Variants in NRCAM observed in about 807,000 individuals in gnomAD.
The protein encoded by NRCAM is NgCAM-related cell adhesion molecule.
A neutral mutation model predicts 156.5 loss-of-function variants in NRCAM; 83 were observed. The ratio of observed to expected loss-of-function variants is 0.53; its 90% confidence interval spans 0.44 to 0.64. The LOEUF (loss-of-function observed/expected upper bound fraction) is 0.64, where lower values mean the gene tolerates loss of function less well. NRCAM is among the 30% of genes least tolerant of loss of function. The probability of loss-of-function intolerance (pLI) is 0.00; values close to 1 mark genes in which losing one functional copy is unlikely to be tolerated. For missense variants in NRCAM, 1,417 were observed against 1,597.3 expected (o/e 0.89, Z 1.92); for synonymous variants, 538 against 563.9 (o/e 0.95, Z 0.65).
chr7:108,427,351 G>C (rs1818664793), intron 1 of NRCAM, among the ~76,000 whole-genome samples: 2 of 152,194 alleles, frequency 1.3e-5, no homozygotes, highest in Non-Finnish European at 2.9e-5. Context: ...CACTCCCTGT[G>C]CCTCCGACAA....
chr7:108,197,096 G>C (rs760434212), intron 14 of NRCAM, among the ~76,000 whole-genome samples: 2 of 152,114 alleles, frequency 1.3e-5, no homozygotes, highest in Admixed American at 6.6e-5. Context: ...GTTGTGTTAA[G>C]TGCAACAGGC....
chr7:108,369,002 C>A (rs917344252), intron 2 of NRCAM, among the ~76,000 whole-genome samples: 7 of 151,942 alleles, frequency 4.6e-5, no homozygotes, highest in African/African-American at 7.3e-5. Context: ...TTTAAAAGTA[C>A]CAAGAAGAAA....
intron 3 of NRCAM, among the ~76,000 whole-genome samples, chr7:108,281,515 G>C (rs2097857119): frequency 6.6e-6 from 1 of 152,206 alleles, no homozygotes; most frequent in South Asian, 2.1e-4. Context: ...GAATCAAAAA[G>C]GTTTCATGGC....
At chr7:108,404,269 T>C (rs767293980) in intron 1 of NRCAM, among the ~76,000 whole-genome samples, 5 of 152,226 alleles carry the variant, frequency 3.3e-5, no homozygotes, top group Non-Finnish European at 7.3e-5. Flanking sequence ...TCAGTTGTGC[T>C]GAATGGGTAA....
At chr7:108,449,642 T>C (rs1391999219) in intron 1 of NRCAM, among the ~76,000 whole-genome samples, 2 of 152,222 alleles carry the variant, frequency 1.3e-5, no homozygotes, top group Non-Finnish European at 2.9e-5. Flanking sequence ...AGAGAGAATC[T>C]GTTAGTGGTG....
At chr7:108,308,806 G>C (rs140416837) in intron 3 of NRCAM, among the ~76,000 whole-genome samples, 1 of 152,306 alleles carries the variant, frequency 6.6e-6, no homozygotes, top group East Asian at 1.9e-4. Flanking sequence ...GAGATGTCCA[G>C]AGAAAAATGG....
intron 1 of NRCAM, among the ~76,000 whole-genome samples, chr7:108,445,188 A>C (rs971940085): frequency 2.0e-5 from 3 of 152,246 alleles, no homozygotes; most frequent in African/African-American, 7.2e-5. Context: ...GAAATAAAAT[A>C]CAATTAGATT....
intron 4 of NRCAM, among the ~76,000 whole-genome samples, chr7:108,239,296 A>G (rs1043928650): frequency 6.6e-6 from 1 of 152,136 alleles, no homozygotes; most frequent in Admixed American, 6.6e-5. Flanking sequence ...TTTGCATATT[A>G]CTTGTATTTT....
chr7:108,181,089 T>C (rs2063207562), intron 24 of NRCAM, among the ~76,000 whole-genome samples: 1 of 152,206 alleles, frequency 6.6e-6, no homozygotes, highest in Non-Finnish European at 1.5e-5. Context: ...TTAATTTTGG[T>C]CACAAATCCA....
chr7:108,269,057 G>C (rs558621513), intron 3 of NRCAM, among the ~76,000 whole-genome samples: 100 of 152,038 alleles, frequency 6.6e-4, no homozygotes, highest in African/African-American at 2.3e-3. Context: ...TTGAGCCTGG[G>C]AAGTATGGCT....
intron 3 of NRCAM, among the ~76,000 whole-genome samples, chr7:108,308,650 G>A (rs1356647967): frequency 6.6e-6 from 1 of 152,124 alleles, no homozygotes; most frequent in Non-Finnish European, 1.5e-5. Flanking sequence ...GTCTCACTAT[G>A]GCATTATCCT....
chr7:108,156,111 CATT>C (rs2045315921), intron 32 of NRCAM, among the ~76,000 whole-genome samples: 1 of 152,066 alleles, frequency 6.6e-6, no homozygotes, highest in Admixed American at 6.6e-5. Context: ...GCTAAAAGTC[CATT>C]ATTATTTTAC....
At chr7:108,368,455 G>A (rs909655506) in intron 2 of NRCAM, among the ~76,000 whole-genome samples, 14 of 152,042 alleles carry the variant, frequency 9.2e-5, no homozygotes, top group South Asian at 2.1e-4. Flanking sequence ...AATCTTTTCC[G>A]TTGAAAAAGA....
chr7:108,345,440 C>A (rs753728269), intron 2 of NRCAM, among the ~76,000 whole-genome samples: 8 of 152,172 alleles, frequency 5.3e-5, no homozygotes, highest in Non-Finnish European at 1.2e-4. Context: ...TTTATAAGAG[C>A]AACTTCTACC....
At chr7:108,407,764 T>C (rs939998138) in intron 1 of NRCAM, among the ~76,000 whole-genome samples, 1 of 152,228 alleles carries the variant, frequency 6.6e-6, no homozygotes, top group Non-Finnish European at 1.5e-5. Context: ...ACAGGCGATA[T>C]GTTTACTATC....
chr7:108,342,503 C>T (rs1594311747), intron 2 of NRCAM, among the ~76,000 whole-genome samples: 1 of 152,206 alleles, frequency 6.6e-6, no homozygotes, highest in Non-Finnish European at 1.5e-5. Flanking sequence ...ACTCAGAAAG[C>T]CAATACCCAT....
At chr7:108,405,955 A>ATTTT (rs10643404) in intron 1 of NRCAM, among the ~76,000 whole-genome samples, 1 of 128,122 alleles carries the variant, frequency 7.8e-6, no homozygotes, top group Admixed American at 8.3e-5. Context: ...TGCCTCTACA[A>ATTTT]TTTTTTTTTT....
chr7:108,318,761 G>A (rs981184981), intron 2 of NRCAM, among the ~76,000 whole-genome samples: 5 of 152,136 alleles, frequency 3.3e-5, no homozygotes, highest in African/African-American at 4.8e-5. Flanking sequence ...GTACTTCAGC[G>A]TGGCCCTGGG....
chr7:108,264,528 T>C (rs1271265304), intron 3 of NRCAM, among the ~76,000 whole-genome samples: 2 of 152,220 alleles, frequency 1.3e-5, no homozygotes, highest in Non-Finnish European at 1.5e-5. Context: ...ACTCTAAAAA[T>C]GGTCCAACAA....
Sources: allele counts gnomAD v4.1 joint callset (sites outside exome capture counted in the v4.1 genomes callset), GRCh38; gene constraint gnomAD v4.1.1; transcripts MANE v1.5; gene names NCBI Gene and HGNC (gene_info 2026-07-23, HGNC 2026-07-21).